CREB5: variants seen among roughly 807,000 people sequenced by gnomAD.
The protein encoded by CREB5 is cyclic AMP-responsive element-binding protein 5.
A neutral mutation model predicts 57.1 loss-of-function variants in CREB5; 19 were observed. The ratio of observed to expected loss-of-function variants is 0.33; its 90% CI spans 0.23 to 0.49. The LOEUF (loss-of-function observed/expected upper bound fraction) is 0.49. Among genes scored for constraint, CREB5 ranks in the 20% least tolerant of loss-of-function variants. CREB5 has a pLI of 0.99. For missense variants in CREB5, 579 were observed against 671.6 expected, an observed-to-expected ratio of 0.86 and a Z score of 1.52; for synonymous variants, 238 against 238.3, an observed-to-expected ratio of 1.00 and a Z score of 0.01.
chr7:28,737,577 ATATATATATATT>A (rs1804096259), intron 7 of CREB5, among the ~76,000 whole-genome samples: 1 of 29,864 alleles, frequency 3.3e-5, no homozygotes, highest in East Asian at 3.0e-4. Flanking sequence ...ATATATATAT[ATATATATATATT>A]TTTAACTCCT....
At chr7:28,463,998 C>T (rs1432550214) in intron 1 of CREB5, among the ~76,000 whole-genome samples, 4 of 152,138 alleles carry the variant, frequency 2.6e-5, no homozygotes, top group African/African-American at 9.7e-5. Flanking sequence ...TATTCCTGAA[C>T]CTAAGTGTAA....
At chr7:28,486,695 T>TATATATATATATA (rs1282046289) in intron 1 of CREB5, among the ~76,000 whole-genome samples, 62 of 132,356 alleles carry the variant, frequency 4.7e-4, no homozygotes, top group Middle Eastern at 4.1e-3. Context: ...TATATATATG[T>TATATATATATATA]TACTGTGTGG....
At chr7:28,335,301 A>G (rs187829202) in intron 1 of CREB5, among the ~76,000 whole-genome samples, 46 of 152,244 alleles carry the variant, frequency 3.0e-4, no homozygotes, top group African/African-American at 1.1e-3. Flanking sequence ...GAACATTTTA[A>G]CAATATTGGT....
intron 7 of CREB5, among the ~76,000 whole-genome samples, chr7:28,762,815 T>C (rs1315605595): frequency 6.6e-6 from 1 of 152,146 alleles, no homozygotes; most frequent in African/African-American, 2.4e-5. Flanking sequence ...TTTTCATTCA[T>C]TTATTTCTTC....
intron 1 of CREB5, among the ~76,000 whole-genome samples, chr7:28,313,412 T>C (rs1029026968): frequency 5.3e-5 from 8 of 152,240 alleles, no homozygotes; most frequent in African/African-American, 1.4e-4. Context: ...TTATTCATCA[T>C]AGTTTTAACA....
intron 5 of CREB5, among the ~76,000 whole-genome samples, chr7:28,581,328 A>G (rs1167447349): frequency 6.6e-6 from 1 of 152,214 alleles, no homozygotes; most frequent in African/African-American, 2.4e-5. Flanking sequence ...GATCTCAGAG[A>G]AAGTGTGGCC....
chr7:28,595,259 G>A (rs1444537846), intron 5 of CREB5, among the ~76,000 whole-genome samples: 3 of 151,968 alleles, frequency 2.0e-5, no homozygotes, highest in Admixed American at 6.6e-5. Context: ...GTTCTTTGGT[G>A]GGTTGTGGTT....
At chr7:28,392,986 G>A (rs528975615) in intron 1 of CREB5, among the ~76,000 whole-genome samples, 80 of 151,554 alleles carry the variant, frequency 5.3e-4, no homozygotes, top group Non-Finnish European at 1.1e-3. Context: ...GGGCCATGGT[G>A]TGATCTTGGC....
intron 4 of CREB5, among the ~76,000 whole-genome samples, chr7:28,522,757 G>C (rs1304064779): frequency 6.6e-6 from 1 of 152,156 alleles, no homozygotes; most frequent in Non-Finnish European, 1.5e-5. Flanking sequence ...CTTAGCTCTG[G>C]ATTTGCCCAC....
chr7:28,508,478 A>G (rs74469874), intron 4 of CREB5, among the ~76,000 whole-genome samples: 1,732 of 152,366 alleles, frequency 0.011, 21 homozygotes, highest in African/African-American at 0.039. Context: ...CAGAAATTCA[A>G]AATGTGAAAG....
At chr7:28,808,259 T>C (rs1808869880) in intron 8 of CREB5, among the ~76,000 whole-genome samples, 1 of 152,178 alleles carries the variant, frequency 6.6e-6, no homozygotes, top group South Asian at 2.1e-4. Context: ...AGTATGCAGG[T>C]CCAGCTAGTC....
chr7:28,668,336 G>A (rs776200740), intron 5 of CREB5, among the ~76,000 whole-genome samples: 6 of 152,040 alleles, frequency 3.9e-5, no homozygotes, highest in African/African-American at 7.2e-5. Flanking sequence ...CAAAATGAAG[G>A]GTCATATATT....
At chr7:28,677,240 C>A (rs1800363423) in intron 5 of CREB5, among the ~76,000 whole-genome samples, 2 of 152,090 alleles carry the variant, frequency 1.3e-5, no homozygotes, top group Admixed American at 6.6e-5. Flanking sequence ...CATAGGATGA[C>A]CACGTAGAAG....
intron 5 of CREB5, among the ~76,000 whole-genome samples, chr7:28,574,950 A>T (rs1795847788): frequency 6.6e-6 from 1 of 152,236 alleles, no homozygotes; most frequent in Non-Finnish European, 1.5e-5. Context: ...TAGACAACAG[A>T]GACATAAAAC....
At chr7:28,377,551 G>T (rs74392363) in intron 1 of CREB5, among the ~76,000 whole-genome samples, 1 of 151,494 alleles carries the variant, frequency 6.6e-6, no homozygotes, top group South Asian at 2.1e-4. Context: ...ATTTTTGAAA[G>T]ACTGCTATCG....
intron 5 of CREB5, among the ~76,000 whole-genome samples, chr7:28,685,111 T>A (rs1800798194): frequency 6.6e-6 from 1 of 152,138 alleles, no homozygotes; most frequent in Non-Finnish European, 1.5e-5. Flanking sequence ...CTCTTTAAAG[T>A]CACAGACGGC....
chr7:28,785,425 G>A (rs1807265353), intron 7 of CREB5, among the ~76,000 whole-genome samples: 1 of 152,224 alleles, frequency 6.6e-6, no homozygotes, highest in African/African-American at 2.4e-5. Flanking sequence ...CTTCGAAGGA[G>A]CTCTTCTCCA....
intron 5 of CREB5, among the ~76,000 whole-genome samples, chr7:28,575,638 C>T (rs1795881336): frequency 6.6e-6 from 1 of 152,204 alleles, no homozygotes; most frequent in African/African-American, 2.4e-5. Context: ...TTAGCCAGGA[C>T]AACTTGAAGC....
In CREB5 at chr7:28,617,696, C is replaced by A. The variant is rs902523679; in HGVS notation, c.464+47159C>A. 2.8e-4 allele frequency among the ~76,000 whole-genome samples: 43 copies of A among 152,200 alleles called. 1 individual carries two copies. The highest frequency in any genetic ancestry group is 4.6e-4 in the Admixed American group (7 of 15,270). On this transcript the variant is annotated intron_variant, in intron 5 of 10. Coordinates refer to ENST00000357727, the MANE Select transcript of CREB5 (RefSeq NM_182898.4). ...ATAATTCAATAATGAGAGTTGGAAG[C>A]TGTCCCAGCAGGAGATGTTATGAAA... is the stretch of plus-strand genomic sequence containing the variant.
Sources: gnomAD v4.1 joint callset for allele counts (sites outside exome capture counted in the v4.1 genomes callset) on GRCh38, gnomAD v4.1.1 for gene constraint, MANE v1.5 for transcripts, NCBI Gene and HGNC (gene_info 2026-07-23, HGNC 2026-07-21) for gene names.